CNBD1: variants seen among roughly 807,000 people sequenced by gnomAD.
The protein encoded by CNBD1 is cyclic nucleotide binding domain containing 1.
A neutral mutation model predicts 54.4 loss-of-function variants in CNBD1; 71 were observed. That is an observed-to-expected ratio of 1.30 (90% CI 1.08 to 1.59). The LOEUF is 1.59. Ranked by LOEUF, CNBD1 falls within the 40% of genes most tolerant of loss-of-function variation. The pLI is 0.00. For synonymous variants in CNBD1, 182 were observed against 170.7 expected (o/e 1.07, Z -0.51); for missense variants, 659 against 518.0 (o/e 1.27, Z -2.64).
At chr8:87,142,916 G>A (rs1812400269) in intron 4 of CNBD1, among the ~76,000 whole-genome samples, 1 of 149,660 alleles carries the variant, frequency 6.7e-6, no homozygotes. Context: ...TTGAGTTTCT[G>A]TTAGGTAGCA....
intron 8 of CNBD1, among the ~76,000 whole-genome samples, chr8:87,302,397 A>C (rs1026052968): frequency 6.6e-6 from 1 of 152,102 alleles, no homozygotes; most frequent in Non-Finnish European, 1.5e-5. Context: ...CCACATGATT[A>C]TCTCAATAGA....
chr8:87,379,911 T>A (rs1453468468), intron 10 of CNBD1, among the ~76,000 whole-genome samples: 3 of 151,152 alleles, frequency 2.0e-5, no homozygotes, highest in Non-Finnish European at 2.9e-5. Flanking sequence ...ACACGAGAAA[T>A]ACTTAAATAT....
intron 8 of CNBD1, among the ~76,000 whole-genome samples, chr8:87,332,473 G>A (rs1586021782): frequency 2.0e-5 from 3 of 152,224 alleles, no homozygotes; most frequent in Admixed American, 2.0e-4. Context: ...TTCCTGAATG[G>A]TATTGCCTAG....
At chr8:87,368,269 G>A (rs925184108) in intron 10 of CNBD1, among the ~76,000 whole-genome samples, 1 of 152,026 alleles carries the variant, frequency 6.6e-6, no homozygotes, top group African/African-American at 2.4e-5. Flanking sequence ...ATTGAACGCT[G>A]TCAAAAAACA....
chr8:86,885,388 C>T (rs1808666970), intron 1 of CNBD1, among the ~76,000 whole-genome samples: 1 of 152,126 alleles, frequency 6.6e-6, no homozygotes, highest in African/African-American at 2.4e-5. Flanking sequence ...AATTTTCTAA[C>T]CCCTTTCCAG....
chr8:87,311,313 AG>A (rs1809258849), intron 8 of CNBD1, among the ~76,000 whole-genome samples: 1 of 152,164 alleles, frequency 6.6e-6, no homozygotes. Context: ...TGCTTCTTAA[AG>A]AAGACATAAA....
chr8:87,388,822 C>T (rs1245287597), intron 2 of CNBD1, among the ~76,000 whole-genome samples: 2 of 152,190 alleles, frequency 1.3e-5, no homozygotes, highest in African/African-American at 2.4e-5. Flanking sequence ...AGACCAATAT[C>T]CCTGATTAAC....
intron 10 of CNBD1, among the ~76,000 whole-genome samples, chr8:87,380,714 T>G (rs541976571): frequency 3.9e-5 from 6 of 152,010 alleles, no homozygotes; most frequent in Admixed American, 2.6e-4. Flanking sequence ...TAGTTTTCAG[T>G]AAACAAGTCT....
At chr8:87,263,135 A>G (rs1006584508) in intron 6 of CNBD1, among the ~76,000 whole-genome samples, 8 of 152,118 alleles carry the variant, frequency 5.3e-5, no homozygotes, top group Admixed American at 4.6e-4. Flanking sequence ...GGTATTATAT[A>G]TAGTGGTTTC....
intron 4 of CNBD1, among the ~76,000 whole-genome samples, chr8:86,951,155 G>A (rs1807607936): frequency 6.6e-6 from 1 of 152,122 alleles, no homozygotes. Flanking sequence ...AGCAACAGAA[G>A]CTGATTCTTA....
Position 87,257,156 on chromosome 8 carries a change from G to T in CNBD1, c.771+20044G>T, listed in dbSNP as rs557621991. ...AGACTGAGGTGGGTGGATCACCTGA[G>T]GTCAGGAGTTTGAGACCAGCCTGGC... On this transcript the variant is annotated intron_variant, in intron 6 of 10. Coordinates refer to ENST00000518476, the MANE Select transcript of CNBD1 (RefSeq NM_173538.3). Among the ~76,000 whole-genome samples the T allele has an allele frequency of 2.0e-4, 30 of 152,048 alleles. No homozygotes were observed. In the East Asian group the frequency reaches 5.8e-3, roughly 30 times the overall value.
At chr8:87,405,217 C>A (rs1346679722) in intron 2 of CNBD1, among the ~76,000 whole-genome samples, 2 of 151,930 alleles carry the variant, frequency 1.3e-5, no homozygotes, top group African/African-American at 2.4e-5. Flanking sequence ...GAGTGTAATT[C>A]CAATCTCAAG....
rs577636924 is a variant in CNBD1 at position 87,183,005 on chromosome 8, G to A, written c.432-22988G>A. 3.3e-5 allele frequency among the ~76,000 whole-genome samples: 5 copies of A among 152,148 alleles called. No homozygotes were observed. The East Asian group carries it at 9.7e-4, about 29-fold the overall frequency. On this transcript the variant is annotated intron_variant, in intron 4 of 10. Transcript: ENST00000518476. ...CCTATGTTCAGAATGTCATTTCCTA[G>A]TTTTTTCTAGGGTTCTTACAATTTA...
At chr8:86,909,677 G>T (rs917831504) in intron 3 of CNBD1, among the ~76,000 whole-genome samples, 5 of 152,096 alleles carry the variant, frequency 3.3e-5, no homozygotes, top group Admixed American at 2.0e-4. Context: ...GTTTGCCTTT[G>T]AACATTTACT....
intron 4 of CNBD1, among the ~76,000 whole-genome samples, chr8:87,130,439 C>T (rs72665033): frequency 0.19 from 28,393 of 152,016 alleles, 3,125 homozygotes; most frequent in Admixed American, 0.25. Context: ...TAATGTTATT[C>T]GGCCCTTCTT....
intron 4 of CNBD1, among the ~76,000 whole-genome samples, chr8:87,188,454 G>T (rs1813527719): frequency 6.6e-6 from 1 of 152,178 alleles, no homozygotes; most frequent in South Asian, 2.1e-4. Context: ...AGGAGGCTCG[G>T]TGCGGTGGTT....
At chr8:87,293,957 T>C (rs1808829897) in intron 8 of CNBD1, among the ~76,000 whole-genome samples, 1 of 152,228 alleles carries the variant, frequency 6.6e-6, no homozygotes, top group African/African-American at 2.4e-5. Context: ...TCAGACTTTC[T>C]GTAGTCTCAG....
At chr8:87,121,927 C>CATAT (rs146416648) in intron 4 of CNBD1, among the ~76,000 whole-genome samples, 1 of 149,572 alleles carries the variant, frequency 6.7e-6, no homozygotes, top group African/African-American at 2.4e-5. Flanking sequence ...AATTTATTGT[C>CATAT]ATATATATAT....
At chr8:87,091,906 C>T (rs893228788) in intron 4 of CNBD1, among the ~76,000 whole-genome samples, 9 of 151,814 alleles carry the variant, frequency 5.9e-5, no homozygotes, top group African/African-American at 1.5e-4. Context: ...TATAAATATG[C>T]GTAGGAAAAA....
Sources: allele counts gnomAD v4.1 joint callset (sites outside exome capture counted in the v4.1 genomes callset), GRCh38; gene constraint gnomAD v4.1.1; transcripts MANE v1.5; gene names NCBI Gene and HGNC (gene_info 2026-07-23, HGNC 2026-07-21).